Variants in FBXO4 observed in about 807,000 individuals in gnomAD.
FBXO4 encodes F-box protein 4.
FBXO4 carries 36 observed loss-of-function variants against 43.7 expected under a neutral mutation model. That is an observed-to-expected ratio of 0.82 (90% CI 0.63 to 1.09). The LOEUF (loss-of-function observed/expected upper bound fraction) is 1.09, where lower values mean the gene tolerates loss of function less well. Ranked by LOEUF, FBXO4 falls within the 50% of genes least tolerant of loss-of-function variation. The pLI, the probability that FBXO4 is intolerant of heterozygous loss-of-function variation, is 0.00. For synonymous variants in FBXO4, 180 were observed against 165.6 expected (o/e 1.09, Z -0.67); for missense variants, 435 against 474.1 (o/e 0.92, Z 0.77).
chr5:42,001,782 C>T, the FBXO4 span, among the ~76,000 whole-genome samples: 1 of 152,174 alleles, frequency 6.6e-6, no homozygotes, highest in Admixed American at 6.5e-5. Context: ...AACTCTGCCT[C>T]CTGGGTTCAA....
downstream of FBXO4, among the ~76,000 whole-genome samples, chr5:41,945,979 G>A (rs1379035067): frequency 6.6e-6 from 1 of 152,196 alleles, no homozygotes; most frequent in Non-Finnish European, 1.5e-5. Flanking sequence ...CCTGTATACT[G>A]TACTTCTGCA....
At chr5:42,017,050 G>A in the FBXO4 span, among the ~76,000 whole-genome samples, 1 of 151,744 alleles carries the variant, frequency 6.6e-6, no homozygotes, top group Non-Finnish European at 1.5e-5. Context: ...GCAATTTCAA[G>A]AATAAAAGAA....
chr5:41,948,058 C>T, the FBXO4 span, among the ~76,000 whole-genome samples: 1 of 151,878 alleles, frequency 6.6e-6, no homozygotes, highest in African/African-American at 2.4e-5. Flanking sequence ...GTACTTAGTG[C>T]AACTGAGGAA....
At chr5:41,940,669 A>G (rs1751983483) in intron 6 of FBXO4, among the ~76,000 whole-genome samples, 2 of 152,212 alleles carry the variant, frequency 1.3e-5, no homozygotes, top group Admixed American at 1.3e-4. Context: ...TTTTGCGGAA[A>G]AAGTAAGAGA....
chr5:42,032,024 G>A, the FBXO4 span, among the ~76,000 whole-genome samples: 1 of 151,434 alleles, frequency 6.6e-6, no homozygotes, highest in African/African-American at 2.4e-5. Flanking sequence ...CCAAACAGCT[G>A]TAGTCTCTCT....
At chr5:41,933,864 G>T in intron 3 of FBXO4, 82 bp from the exon 4 acceptor site, 8 of 1,105,542 alleles carry the variant, frequency 7.2e-6, no homozygotes, top group South Asian at 1.5e-5. Flanking sequence ...TACTCTTTTT[G>T]CTTTCACCGG....
intron 3 of FBXO4, among the ~76,000 whole-genome samples, chr5:41,931,487 T>C (rs1751686310): frequency 6.6e-6 from 1 of 152,214 alleles, no homozygotes; most frequent in South Asian, 2.1e-4. Context: ...ATGTTGACTT[T>C]GATAACTCCA....
At chr5:41,991,091 G>T in the FBXO4 span, among the ~76,000 whole-genome samples, 1 of 152,096 alleles carries the variant, frequency 6.6e-6, no homozygotes, top group South Asian at 2.1e-4. Context: ...TCACGTTAAC[G>T]TCCCTTTCTA....
chr5:41,949,023 C>A, the FBXO4 span, among the ~76,000 whole-genome samples: 8 of 152,154 alleles, frequency 5.3e-5, no homozygotes, highest in Non-Finnish European at 5.9e-5. Context: ...ACTCTTCATG[C>A]TAAAACCTCT....
rs578045563 is a variant in FBXO4 at position 41,932,733 on chromosome 5, G to A, written c.647-1213G>A. ...GGTTAGAAGTGATTGCAGAGGCCCG[G>A]GTGAGTGATGATGACAATGTGAACT... On this transcript the variant is annotated intron_variant, in intron 3 of 6. Coordinates refer to ENST00000281623, the MANE Select transcript of FBXO4 (RefSeq NM_012176.3). Among the ~76,000 whole-genome samples the A allele has an allele frequency of 1.3e-3, 198 of 152,274 alleles. 2 individuals are homozygous for A. In the Middle Eastern group the frequency reaches 0.037, roughly 29 times the overall value.
chr5:42,034,505 T>C, the FBXO4 span, among the ~76,000 whole-genome samples: 1 of 152,202 alleles, frequency 6.6e-6, no homozygotes, highest in Admixed American at 6.5e-5. Context: ...GGGTTTTACA[T>C]TTAAGTCTTT....
the FBXO4 span, among the ~76,000 whole-genome samples, chr5:41,990,852 G>A: frequency 2.6e-5 from 4 of 152,138 alleles, no homozygotes; most frequent in Non-Finnish European, 5.9e-5. Context: ...TTTTATGGAA[G>A]AAGTTCTTGC....
Position 41,941,400 on chromosome 5 carries a change from G to T in FBXO4, c.*119G>T. ...CTTTTTGCAGATAGGCTTTCATTTG[G>T]ACAGCTATAACTGCTGTGTTTTTTA... On this transcript the variant is annotated 3_prime_UTR_variant, in exon 7 of 7. Transcript: ENST00000281623. 1.3e-6 allele frequency: 1 copy of T among 742,974 alleles called. No homozygotes were observed. The highest frequency in any genetic ancestry group is 2.4e-6 in the Non-Finnish European group (1 of 423,546). 46.0% of individuals were successfully genotyped at this position (742,974 alleles called of 1,614,324 possible).
intron 5 of FBXO4, chr5:41,934,870 G>T: frequency 3.0e-6 from 3 of 987,042 alleles, no homozygotes; most frequent in Non-Finnish European, 3.6e-6. Context: ...AATATCATTG[G>T]GCCATGAGCT....
chr5:42,023,426 C>T, the FBXO4 span, among the ~76,000 whole-genome samples: 1 of 151,998 alleles, frequency 6.6e-6, no homozygotes, highest in Non-Finnish European at 1.5e-5. Flanking sequence ...TTTGGGCAAA[C>T]GATGAACTCT....
chr5:41,952,665 T>C, the FBXO4 span, among the ~76,000 whole-genome samples: 1 of 152,178 alleles, frequency 6.6e-6, no homozygotes, highest in Non-Finnish European at 1.5e-5. Flanking sequence ...CTAATATAGT[T>C]TCTGTCTCTA....
At chr5:41,963,341 T>C in the FBXO4 span, among the ~76,000 whole-genome samples, 1 of 152,108 alleles carries the variant, frequency 6.6e-6, no homozygotes, top group East Asian at 1.9e-4. Context: ...CTTTCACTAA[T>C]TCCAAAATTA....
chr5:41,970,656 C>T, the FBXO4 span, among the ~76,000 whole-genome samples: 3 of 151,488 alleles, frequency 2.0e-5, no homozygotes, highest in Non-Finnish European at 4.4e-5. Context: ...AACAAAATAA[C>T]TTAGTGTAAG....
chr5:41,967,295 C>T, the FBXO4 span: 5 of 448,382 alleles, frequency 1.1e-5, no homozygotes, highest in Non-Finnish European at 2.2e-5. Context: ...TGGCTTTTTG[C>T]CTAACTCCTT....
Sources: allele counts gnomAD v4.1 joint callset (sites outside exome capture counted in the v4.1 genomes callset), GRCh38; gene constraint gnomAD v4.1.1; transcripts MANE v1.5; gene names NCBI Gene and HGNC (gene_info 2026-07-23, HGNC 2026-07-21).